ZNF664: variants seen among roughly 807,000 people sequenced by gnomAD.
ZNF664 encodes zinc finger Organ of Corti 1.
A neutral mutation model predicts 18.2 loss-of-function variants in ZNF664; 10 were observed. That is an observed-to-expected ratio of 0.55 (90% CI 0.34 to 0.93). The LOEUF is 0.93. Ranked by LOEUF, ZNF664 falls within the 40% of genes least tolerant of loss-of-function variation. ZNF664 has a pLI of 0.02. For missense variants in ZNF664, 193 were observed against 319.0 expected (o/e 0.61, Z 3.01); for synonymous variants, 119 against 104.2 (o/e 1.14, Z -0.86).
intron 3 of ZNF664, among the ~76,000 whole-genome samples, chr12:124,002,169 A>T (rs1957019957): frequency 6.6e-6 from 1 of 152,220 alleles, no homozygotes; most frequent in African/African-American, 2.4e-5. Flanking sequence ...GGTGTTGAGC[A>T]GATGCCAGCT....
intron 3 of ZNF664, among the ~76,000 whole-genome samples, chr12:124,010,283 T>C (rs1957121163): frequency 6.6e-6 from 1 of 152,216 alleles, no homozygotes; most frequent in Admixed American, 6.5e-5. Flanking sequence ...CAAACACCCA[T>C]GCATGTTCTC....
Position 123,973,941 on chromosome 12 carries a change from C to T in ZNF664, c.-836C>T. On this transcript the variant is annotated 5_prime_UTR_variant, in exon 2 of 5. Coordinates refer to ENST00000337815, the MANE Select transcript of ZNF664 (RefSeq NM_152437.3). ...ATCCCGCTCAGGTGATGAGGAACCC[C>T]TCGCGCACCCAGCGCAGAAGGCTGC... 2.4e-6 allele frequency: 3 copies of T among 1,231,930 alleles called. No homozygotes were observed. The highest frequency in any genetic ancestry group is 3.0e-6 in the Non-Finnish European group (3 of 988,088). 76.3% of individuals were successfully genotyped at this position (1,231,930 alleles called of 1,614,324 possible).
At chr12:123,993,856 TC>T (rs1339024368) in intron 3 of ZNF664, among the ~76,000 whole-genome samples, 2 of 152,126 alleles carry the variant, frequency 1.3e-5, no homozygotes, top group Non-Finnish European at 2.9e-5. Flanking sequence ...GAGGAGGAGT[TC>T]CTAACTAAGC....
At chr12:123,998,252 A>G (rs774164654) in intron 3 of ZNF664, 1 of 152,084 alleles carries the variant, frequency 6.6e-6, no homozygotes, top group Non-Finnish European at 1.5e-5. Context: ...GGCTTCCAAC[A>G]CTTTAAATGC....
chr12:124,004,402 G>A (rs138198209), intron 3 of ZNF664, among the ~76,000 whole-genome samples: 126 of 152,350 alleles, frequency 8.3e-4, no homozygotes, highest in African/African-American at 3.0e-3. Flanking sequence ...GGAACAGGAT[G>A]TTTTGGTTAA....
At position 124,011,791 on chromosome 12, in the gene ZNF664, G is replaced by T; in HGVS notation, c.-354G>T. Reference sequence around the variant, plus strand: ...GACATACAAGATTACTCTACAAGAGGAAGATTCCAGGGGCTCAAAAACGCA... The same window carrying T: ...GACATACAAGATTACTCTACAAGAGTAAGATTCCAGGGGCTCAAAAACGCA... On this transcript the variant is annotated 5_prime_UTR_variant, in exon 5 of 5. Coordinates refer to ENST00000337815, the MANE Select transcript of ZNF664 (RefSeq NM_152437.3). 4 of 1,106,828 alleles carry T rather than the reference G, an allele frequency of 3.6e-6. No individual in the cohort carries two copies. Among genetic ancestry groups the T allele is most frequent in the Non-Finnish European group, 4.4e-6 (4 of 911,228 alleles). 68.6% of individuals were successfully genotyped at this position (1,106,828 alleles called of 1,614,324 possible).
chr12:124,014,398 C>CT lies in ZNF664; in HGVS notation c.*1475dup, dbSNP rs1286064490. The CT allele has an allele frequency of 1.2e-5, 2 of 166,886 alleles. No individual in the cohort carries two copies. The highest frequency in any genetic ancestry group is 2.4e-5 in the African/African-American group (1 of 41,370). 10.3% of individuals were successfully genotyped at this position (166,886 alleles called of 1,614,324 possible). ...GGTCAGTATCCTGACTTTCAGAGGC[C>CT]TTTTTTTGTTTGTTTTAATTTTTGC... On this transcript the variant is annotated 3_prime_UTR_variant, in exon 5 of 5. Coordinates refer to ENST00000337815, the MANE Select transcript of ZNF664 (RefSeq NM_152437.3).
intron 3 of ZNF664, among the ~76,000 whole-genome samples, chr12:123,999,447 C>G (rs1956986733): frequency 6.6e-6 from 1 of 152,176 alleles, no homozygotes; most frequent in African/African-American, 2.4e-5. Context: ...AAGACCTGTA[C>G]TCATAATACT....
In ZNF664 at chr12:123,984,203, A is replaced by G. The variant is rs183766676; in HGVS notation, c.-756-3840A>G. Among the ~76,000 whole-genome samples the G allele has an allele frequency of 2.1e-4, 32 of 152,314 alleles. No homozygotes were observed. In the East Asian group the frequency reaches 6.2e-3, roughly 29 times the overall value. On this transcript the variant is annotated intron_variant, in intron 2 of 4. Transcript: ENST00000337815. ...ATGGGAATGAACTAGTGTTTACAAG[A>G]GCTTGCCCGGCCAACTGATAATACT...
chr12:124,012,840 C>G lies in ZNF664; in HGVS notation c.696C>G (p.Cys232Trp). 1 of 1,607,668 alleles carries G rather than the reference C, an allele frequency of 6.2e-7. No homozygotes were observed. Among genetic ancestry groups the G allele is most frequent in the Non-Finnish European group, 8.5e-7 (1 of 1,178,300 alleles). The change falls in exon 5 of 5, where the codon TGC (cysteine) becomes TGG (tryptophan). Residue 232 changes from cysteine to tryptophan, a missense_variant. Transcript: ENST00000337815. ...AGAAACCTTTCAAATGTGATGAGTGCGGAAAGGCCTTCAGTCAGAGTACGA... is the reference window on the plus strand; with the variant it reads ...AGAAACCTTTCAAATGTGATGAGTGGGGAAAGGCCTTCAGTCAGAGTACGA... Reference protein sequence around the residue: ...TGEKPFKCDECGKAFSQSTSL... With the variant: ...TGEKPFKCDEWGKAFSQSTSL...
intron 3 of ZNF664, chr12:123,989,416 A>G (rs1042264738): frequency 6.6e-6 from 1 of 152,228 alleles, no homozygotes; most frequent in African/African-American, 2.4e-5. Flanking sequence ...TGATTTGGGT[A>G]ACCTCGGCCA....
intron 3 of ZNF664, among the ~76,000 whole-genome samples, chr12:123,993,765 T>G (rs1470859024): frequency 1.3e-5 from 2 of 152,212 alleles, no homozygotes; most frequent in Non-Finnish European, 2.9e-5. Context: ...AGAGGTTCTC[T>G]TGGAGTTGTT....
intron 3 of ZNF664, among the ~76,000 whole-genome samples, chr12:124,004,252 G>A (rs1379122080): frequency 4.6e-5 from 7 of 152,088 alleles, no homozygotes; most frequent in Admixed American, 4.6e-4. Flanking sequence ...GTGGAGGGAG[G>A]GCATAAGGAA....
intron 3 of ZNF664, among the ~76,000 whole-genome samples, chr12:123,990,955 C>T (rs1956881863): frequency 6.6e-6 from 1 of 152,174 alleles, no homozygotes; most frequent in African/African-American, 2.4e-5. Context: ...TGAGAGTGAG[C>T]ATCTCCATGA....
At chr12:124,007,828 T>C (rs1278006911) in intron 3 of ZNF664, among the ~76,000 whole-genome samples, 1 of 152,202 alleles carries the variant, frequency 6.6e-6, no homozygotes. Flanking sequence ...GTCTGCTCTT[T>C]TTTACTTTCC....
At chr12:124,004,630 A>T (rs1479200235) in intron 3 of ZNF664, among the ~76,000 whole-genome samples, 1 of 152,204 alleles carries the variant, frequency 6.6e-6, no homozygotes. Context: ...ATGGCCTGTT[A>T]GGAACCAAGG....
Position 124,013,613 on chromosome 12 carries a change from C to T in ZNF664, c.*683C>T, listed in dbSNP as rs1202391738. 1 of 167,452 alleles carries T rather than the reference C, an allele frequency of 6.0e-6. No individual in the cohort carries two copies. The highest frequency in any genetic ancestry group is 1.5e-5 in the Non-Finnish European group (1 of 68,398). The allele number at this position is 167,452 out of a possible 1,614,324, so 10.4% of individuals were successfully genotyped here. ...ACCTTTTTTATTTGTGTGGATTCTG[C>T]TCATCACTGTCTCTGTTAGACTTAT... On this transcript the variant is annotated 3_prime_UTR_variant, in exon 5 of 5. Coordinates refer to ENST00000337815, the MANE Select transcript of ZNF664 (RefSeq NM_152437.3).
chr12:123,979,818 C>A (rs1045811100), intron 2 of ZNF664, among the ~76,000 whole-genome samples: 1 of 151,916 alleles, frequency 6.6e-6, no homozygotes, highest in Non-Finnish European at 1.5e-5. Flanking sequence ...TGGGACCACA[C>A]ACACACACAC....
chr12:123,973,555 G>A, intron 1 of ZNF664: 1 of 351,028 alleles, frequency 2.8e-6, no homozygotes, highest in Non-Finnish European at 4.0e-6. Context: ...GGGCTGAGAA[G>A]CCGCCCCTCG....
Sources: gnomAD v4.1 joint callset for allele counts (sites outside exome capture counted in the v4.1 genomes callset) on GRCh38, gnomAD v4.1.1 for gene constraint, MANE v1.5 for transcripts, NCBI Gene and HGNC (gene_info 2026-07-23, HGNC 2026-07-21) for gene names.